The following FRMD6 variants were observed in gnomAD, a reference collection of about 807,000 sequenced individuals.
The protein encoded by FRMD6 is FERM domain containing 6, also known as FERM domain-containing protein 6.
FRMD6 carries 37 observed loss-of-function variants against 73.2 expected under a neutral mutation model. The observed-to-expected ratio is 0.51, with a 90% CI of 0.39 to 0.66. The LOEUF (loss-of-function observed/expected upper bound fraction) is 0.66, where lower values mean the gene tolerates loss of function less well. Among genes scored for constraint, FRMD6 ranks in the 30% least tolerant of loss-of-function variants. The probability of loss-of-function intolerance (pLI) is 0.00; values close to 1 mark genes in which losing one functional copy is unlikely to be tolerated. For missense variants in FRMD6, 714 were observed against 780.5 expected (o/e 0.91, Z 1.02); for synonymous variants, 273 against 282.2 (o/e 0.97, Z 0.33).
intron 2 of FRMD6, among the ~76,000 whole-genome samples, chr14:51,695,244 A>G (rs1895865933): frequency 1.3e-5 from 2 of 152,200 alleles, no homozygotes; most frequent in Non-Finnish European, 2.9e-5. Flanking sequence ...AATTTGTAGT[A>G]TATAGTTCAA....
At chr14:51,519,808 C>T (rs373233870) in intron 1 of FRMD6, among the ~76,000 whole-genome samples, 6 of 152,144 alleles carry the variant, frequency 3.9e-5, no homozygotes, top group African/African-American at 1.4e-4. Flanking sequence ...TTTGGGGGCC[C>T]TATCACCAGT....
intron 5 of FRMD6, among the ~76,000 whole-genome samples, 166 bp downstream of exon 5, chr14:51,702,754 C>T (rs900142378): frequency 6.6e-6 from 1 of 151,854 alleles, no homozygotes. Flanking sequence ...CTGGTATATC[C>T]TCAGTCCCTA....
chr14:51,581,754 G>A (rs112274911), intron 2 of FRMD6, among the ~76,000 whole-genome samples: 27 of 152,318 alleles, frequency 1.8e-4, no homozygotes, highest in African/African-American at 6.3e-4. Context: ...GAGTGTCTAA[G>A]CAGTGCTAGT....
the FRMD6 span, among the ~76,000 whole-genome samples, chr14:51,435,105 C>G: frequency 6.6e-6 from 1 of 152,080 alleles, no homozygotes; most frequent in South Asian, 2.1e-4. Context: ...AGTGGGAAAA[C>G]TGGCAAAATT....
chr14:51,441,840 G>T, the FRMD6 span, among the ~76,000 whole-genome samples: 3 of 152,168 alleles, frequency 2.0e-5, no homozygotes, highest in African/African-American at 7.2e-5. Flanking sequence ...AAATTCCTTT[G>T]AAAATTACTG....
intron 1 of FRMD6, among the ~76,000 whole-genome samples, chr14:51,662,738 A>G (rs1258417074): frequency 1.3e-5 from 2 of 152,256 alleles, no homozygotes; most frequent in Non-Finnish European, 2.9e-5. Flanking sequence ...AAAAATGGCA[A>G]ACATTTACTG....
chr14:51,476,305 T>C, the FRMD6 span, among the ~76,000 whole-genome samples: 1 of 152,188 alleles, frequency 6.6e-6, no homozygotes, highest in Non-Finnish European at 1.5e-5. Flanking sequence ...TGTGGTCTTT[T>C]ATGTGCTGCT....
intron 2 of FRMD6, among the ~76,000 whole-genome samples, chr14:51,616,597 T>TGG (rs1890725627): frequency 6.6e-6 from 1 of 152,140 alleles, no homozygotes; most frequent in African/African-American, 2.4e-5. Flanking sequence ...AAGCTGGTTT[T>TGG]GGGGCTGATC....
At chr14:51,623,434 T>C (rs1338336915) in intron 2 of FRMD6, among the ~76,000 whole-genome samples, 3 of 152,198 alleles carry the variant, frequency 2.0e-5, no homozygotes, top group African/African-American at 7.2e-5. Context: ...AGACCTCTGG[T>C]TGGTCACTCT....
the FRMD6 span, among the ~76,000 whole-genome samples, chr14:51,420,028 G>A: frequency 1.3e-4 from 20 of 151,836 alleles, no homozygotes; most frequent in Non-Finnish European, 2.1e-4. Context: ...GACTTCCTGC[G>A]CTTTTTAGGT....
At chr14:51,427,103 G>T in the FRMD6 span, among the ~76,000 whole-genome samples, 1 of 152,278 alleles carries the variant, frequency 6.6e-6, no homozygotes, top group East Asian at 1.9e-4. Flanking sequence ...GACCTAGTAG[G>T]TATATTATTT....
chr14:51,480,791 A>G, the FRMD6 span, among the ~76,000 whole-genome samples: 1 of 152,170 alleles, frequency 6.6e-6, no homozygotes, highest in African/African-American at 2.4e-5. Flanking sequence ...GAGCTACTAC[A>G]TGCTAGGTGC....
At chr14:51,465,793 T>C in the FRMD6 span, among the ~76,000 whole-genome samples, 1 of 148,244 alleles carries the variant, frequency 6.7e-6, no homozygotes, top group Non-Finnish European at 1.5e-5. Flanking sequence ...CATGTTTTCT[T>C]TTTTTTTTTA....
intron 1 of FRMD6, among the ~76,000 whole-genome samples, chr14:51,668,476 T>C (rs1195173914): frequency 2.0e-5 from 3 of 151,984 alleles, no homozygotes; most frequent in Non-Finnish European, 4.4e-5. Flanking sequence ...CGGCTAATTT[T>C]TGTATTTTTA....
At chr14:51,451,707 G>A in the FRMD6 span, among the ~76,000 whole-genome samples, 4 of 152,164 alleles carry the variant, frequency 2.6e-5, no homozygotes, top group Non-Finnish European at 5.9e-5. Context: ...TCGCACAAGA[G>A]CTAATTGTTT....
chr14:51,673,861 CAAGTT>C (rs1381812951), intron 1 of FRMD6, among the ~76,000 whole-genome samples: 1 of 152,166 alleles, frequency 6.6e-6, no homozygotes, highest in Non-Finnish European at 1.5e-5. Context: ...GTGCATGTGA[CAAGTT>C]AAGAGTCTGA....
At chr14:51,409,742 GCA>G in the FRMD6 span, among the ~76,000 whole-genome samples, 1 of 152,048 alleles carries the variant, frequency 6.6e-6, no homozygotes, top group Non-Finnish European at 1.5e-5. Flanking sequence ...GGGACCACAG[GCA>G]CACACCATCA....
intron 1 of FRMD6, among the ~76,000 whole-genome samples, chr14:51,553,334 A>G (rs1450465687): frequency 6.6e-6 from 1 of 152,202 alleles, no homozygotes; most frequent in Non-Finnish European, 1.5e-5. Flanking sequence ...CATAGCTTTA[A>G]TCAGACAGGT....
the FRMD6 span, among the ~76,000 whole-genome samples, chr14:51,439,318 G>A: frequency 1.3e-5 from 2 of 152,162 alleles, no homozygotes; most frequent in African/African-American, 4.8e-5. Flanking sequence ...TTTTTTGGGG[G>A]AAAGAATGAC....
Sources: gnomAD v4.1 joint callset for allele counts (sites outside exome capture counted in the v4.1 genomes callset) on GRCh38, gnomAD v4.1.1 for gene constraint, MANE v1.5 for transcripts, NCBI Gene and HGNC (gene_info 2026-07-23, HGNC 2026-07-21) for gene names.